SLC25A13: variants seen among roughly 807,000 people sequenced by gnomAD.
SLC25A13 encodes the protein electrogenic aspartate/glutamate antiporter SLC25A13, mitochondrial.
SLC25A13 carries 70 observed loss-of-function variants against 85.5 expected under a neutral mutation model. The observed-to-expected ratio is 0.82, with a 90% CI of 0.68 to 1.00. The LOEUF (loss-of-function observed/expected upper bound fraction) is 1.00, where lower values mean the gene tolerates loss of function less well. Among genes scored for constraint, SLC25A13 ranks in the 50% least tolerant of loss-of-function variants. SLC25A13 has a pLI of 0.00. For synonymous variants in SLC25A13, 259 were observed against 288.7 expected (o/e 0.90, Z 1.04); for missense variants, 765 against 819.8 (o/e 0.93, Z 0.82).
intron 2 of SLC25A13, among the ~76,000 whole-genome samples, chr7:96,282,897 A>G (rs981041009): frequency 1.3e-5 from 2 of 152,198 alleles, no homozygotes; most frequent in African/African-American, 2.4e-5. Flanking sequence ...TTTAAATAAG[A>G]TACAATTTTT....
At position 96,273,079 on chromosome 7, in the gene SLC25A13, G is replaced by A. The variant is rs546298711; in HGVS notation, c.212+4117C>T. 4.3e-4 allele frequency among the ~76,000 whole-genome samples: 65 copies of A among 152,220 alleles called. 1 individual carries two copies. The South Asian group carries it at 0.012, about 29-fold the overall frequency. The stretch of plus-strand genomic sequence containing the variant: ...AACAGCATCACCAACACCTGGACAC[G>A]ATCCCTCCTGAGGAGATACAATGGG... On this transcript the variant is annotated intron_variant, in intron 3 of 17. Transcript: ENST00000265631.
intron 13 of SLC25A13, among the ~76,000 whole-genome samples, chr7:96,155,887 G>T (rs191193306): frequency 6.6e-6 from 1 of 152,328 alleles, no homozygotes; most frequent in East Asian, 1.9e-4. Flanking sequence ...TGGAGGCAGA[G>T]ACTTCTCTTC....
intron 3 of SLC25A13, among the ~76,000 whole-genome samples, chr7:96,243,969 C>T (rs1317180738): frequency 1.3e-5 from 2 of 152,086 alleles, no homozygotes; most frequent in Non-Finnish European, 2.9e-5. Flanking sequence ...AGAAAGGTTA[C>T]GAAGAACACT....
chr7:96,316,042 T>C (rs1800114709), intron 1 of SLC25A13, among the ~76,000 whole-genome samples: 1 of 152,020 alleles, frequency 6.6e-6, no homozygotes, highest in African/African-American at 2.4e-5. Flanking sequence ...GAGGATCTCT[T>C]GTATCCACGA....
At position 96,184,950 on chromosome 7, in the gene SLC25A13, A is replaced by C; in HGVS notation, c.995T>G (p.Phe332Cys). The change falls in exon 10 of 18, where the codon TTT becomes TGT. Residue 332 changes from phenylalanine to cysteine, a missense_variant. Coordinates refer to ENST00000265631, the MANE Select transcript of SLC25A13 (RefSeq NM_014251.3). ...LLQVAESAYR[F>C]GLGSVAGAVG... is the part of the protein sequence containing the mutation. Reference sequence around the variant, plus strand: ...ACCTCCAGCAACAGAACCCAGACCAAACCTGTAGGCCGACTCTGCAACTTG... The same window carrying C: ...ACCTCCAGCAACAGAACCCAGACCACACCTGTAGGCCGACTCTGCAACTTG... 6.2e-7 allele frequency: 1 copy of C among 1,614,158 alleles called. No individual in the cohort carries two copies. Among genetic ancestry groups the C allele is most frequent in the Non-Finnish European group, 8.5e-7 (1 of 1,180,008 alleles).
At position 96,121,044 on chromosome 7, in the gene SLC25A13, T is replaced by C. The variant is rs897852072; in HGVS notation, c.*147A>G. 2 of 884,708 alleles carry C rather than the reference T, an allele frequency of 2.3e-6. No individual in the cohort carries two copies. Among genetic ancestry groups the C allele is most frequent in the Non-Finnish European group, 3.7e-6 (2 of 546,812 alleles). The allele number at this position is 884,708 out of a possible 1,614,324, so 54.8% of individuals were successfully genotyped here. Reference sequence around the variant, plus strand: ...TCTGGTTAAGAAAACACCCAGAAAATGAATGATTTCACATGATAAAAAAGC... The same window carrying C: ...TCTGGTTAAGAAAACACCCAGAAAACGAATGATTTCACATGATAAAAAAGC... On this transcript the variant is annotated 3_prime_UTR_variant, in exon 18 of 18. Coordinates refer to ENST00000265631, the MANE Select transcript of SLC25A13 (RefSeq NM_014251.3).
chr7:96,277,082 A>G, intron 3 of SLC25A13, 114 bp downstream of exon 3: 1 of 1,008,134 alleles, frequency 9.9e-7, no homozygotes, highest in African/African-American at 1.6e-5. Flanking sequence ...GTAAGTACAG[A>G]AAATGGTCCT....
In SLC25A13 at chr7:96,178,364, A is replaced by G. The variant is rs559642981; in HGVS notation, c.1177+5913T>C. Among the ~76,000 whole-genome samples the G allele has an allele frequency of 9.2e-5, 14 of 152,330 alleles. 1 individual carries two copies. Among genetic ancestry groups the G allele is most frequent in the African/African-American group, 2.2e-4 (9 of 41,578 alleles). Reference sequence around the variant, plus strand: ...AACTAAGGCAGTAGTTACCAGTTCTATCTCAGCATAGAACTGAGACAGGGG... The same window carrying G: ...AACTAAGGCAGTAGTTACCAGTTCTGTCTCAGCATAGAACTGAGACAGGGG... On this transcript the variant is annotated intron_variant, in intron 11 of 17. Coordinates refer to ENST00000265631, the MANE Select transcript of SLC25A13 (RefSeq NM_014251.3).
intron 5 of SLC25A13, among the ~76,000 whole-genome samples, chr7:96,198,859 CT>C (rs1294939344): frequency 6.6e-6 from 1 of 152,076 alleles, no homozygotes; most frequent in Non-Finnish European, 1.5e-5. Context: ...AAGGAAAATA[CT>C]TAAGGGGAAA....
chr7:96,248,842 T>C (rs1267955688), intron 3 of SLC25A13, among the ~76,000 whole-genome samples: 3 of 152,140 alleles, frequency 2.0e-5, no homozygotes, highest in Admixed American at 2.0e-4. Flanking sequence ...TCAGGAGAAA[T>C]TAAATTGCAT....
intron 14 of SLC25A13, among the ~76,000 whole-genome samples, chr7:96,143,438 TA>T (rs1792649082): frequency 6.6e-6 from 1 of 152,190 alleles, no homozygotes; most frequent in Non-Finnish European, 1.5e-5. Context: ...TAAAAAGAAG[TA>T]GACATTGCAG....
At chr7:96,123,140 G>T (rs1791584032) in intron 15 of SLC25A13, among the ~76,000 whole-genome samples, 1 of 152,066 alleles carries the variant, frequency 6.6e-6, no homozygotes, top group South Asian at 2.1e-4. Context: ...ATCTCAAGAG[G>T]TTTTATAAAA....
chr7:96,294,612 A>T (rs1679655823), intron 2 of SLC25A13, among the ~76,000 whole-genome samples: 1 of 148,436 alleles, frequency 6.7e-6, no homozygotes, highest in African/African-American at 2.5e-5. Flanking sequence ...CTGTCTCAGA[A>T]AAAAAAAAAA....
At chr7:96,240,309 G>A (rs1010005180) in intron 3 of SLC25A13, among the ~76,000 whole-genome samples, 6 of 152,176 alleles carry the variant, frequency 3.9e-5, no homozygotes, top group Admixed American at 3.9e-4. Context: ...GACACCAGAA[G>A]GAAGATGTGT....
At chr7:96,233,818 C>G (rs747138144) in intron 4 of SLC25A13, among the ~76,000 whole-genome samples, 1 of 152,134 alleles carries the variant, frequency 6.6e-6, no homozygotes, top group African/African-American at 2.4e-5. Flanking sequence ...TAAGACAAGT[C>G]CCAAAGGTCT....
At chr7:96,320,573 A>G (rs1800302564) in intron 1 of SLC25A13, among the ~76,000 whole-genome samples, 1 of 152,208 alleles carries the variant, frequency 6.6e-6, no homozygotes, top group Admixed American at 6.5e-5. Context: ...GCAGCTTCCA[A>G]AATTGAATCC....
intron 15 of SLC25A13, among the ~76,000 whole-genome samples, chr7:96,128,858 C>T (rs1222637962): frequency 2.0e-5 from 3 of 151,252 alleles, no homozygotes; most frequent in Non-Finnish European, 4.4e-5. Flanking sequence ...CAAAGATCTG[C>T]ACCCTTGTGA....
chr7:96,266,026 T>C (rs1798033471), intron 3 of SLC25A13, among the ~76,000 whole-genome samples: 2 of 152,188 alleles, frequency 1.3e-5, no homozygotes, highest in Non-Finnish European at 2.9e-5. Context: ...CTCTTCACAC[T>C]ATCACCATGC....
intron 5 of SLC25A13, among the ~76,000 whole-genome samples, chr7:96,203,265 T>A (rs1206704246): frequency 2.0e-5 from 3 of 152,172 alleles, no homozygotes; most frequent in African/African-American, 7.2e-5. Context: ...TTTAGGATGC[T>A]TATTGGAAAG....
Sources: gnomAD v4.1 joint callset for allele counts (sites outside exome capture counted in the v4.1 genomes callset) on GRCh38, gnomAD v4.1.1 for gene constraint, MANE v1.5 for transcripts, NCBI Gene and HGNC (gene_info 2026-07-23, HGNC 2026-07-21) for gene names.